CEP112: variants seen among roughly 807,000 people sequenced by gnomAD.
CEP112 encodes the protein centrosomal protein of 112 kDa.
A neutral mutation model predicts 153.0 loss-of-function variants in CEP112; 127 were observed. That is an observed-to-expected ratio of 0.83 (90% CI 0.72 to 0.96). The LOEUF is 0.96. Ranked by LOEUF, CEP112 falls within the 40% of genes least tolerant of loss-of-function variation. The pLI is 0.00. For synonymous variants in CEP112, 358 were observed against 374.4 expected (o/e 0.96, Z 0.51); for missense variants, 1,089 against 1,101.2 (o/e 0.99, Z 0.16).
intron 4 of CEP112, among the ~76,000 whole-genome samples, chr17:66,172,660 A>T (rs1470822487): frequency 6.6e-6 from 1 of 152,142 alleles, no homozygotes; most frequent in Non-Finnish European, 1.5e-5. Flanking sequence ...AAGAAGAAAA[A>T]AATCTATTCA....
At chr17:66,106,569 T>C (rs1395678197) in intron 6 of CEP112, among the ~76,000 whole-genome samples, 1 of 151,948 alleles carries the variant, frequency 6.6e-6, no homozygotes, top group Non-Finnish European at 1.5e-5. Context: ...CCTAGACACA[T>C]ACAACCTACC....
At chr17:65,712,913 T>C (rs979436632) in intron 23 of CEP112, among the ~76,000 whole-genome samples, 3 of 151,946 alleles carry the variant, frequency 2.0e-5, no homozygotes, top group African/African-American at 7.3e-5. Flanking sequence ...ATGCCAAAAA[T>C]CACCTTCGCC....
chr17:65,950,217 T>A (rs1385706913), intron 18 of CEP112, among the ~76,000 whole-genome samples: 2 of 152,188 alleles, frequency 1.3e-5, no homozygotes, highest in Non-Finnish European at 1.5e-5. Context: ...TAATTTTTTT[T>A]AAACTTTACT....
In CEP112 at chr17:65,758,064, G is replaced by T. The variant is rs543633230; in HGVS notation, c.2395-7340C>A. Among the ~76,000 whole-genome samples the T allele has an allele frequency of 2.6e-5, 4 of 152,228 alleles. No individual in the cohort carries two copies. In the South Asian group the frequency reaches 8.3e-4, roughly 32 times the overall value. On this transcript the variant is annotated intron_variant, in intron 21 of 26. Coordinates refer to ENST00000535342, the MANE Select transcript of CEP112 (RefSeq NM_001199165.4). ...GCTCAGGCTGGACTCAAACTCCTAG[G>T]CTCAAAGGATCCCTCAGCATCGCAA...
intron 4 of CEP112, among the ~76,000 whole-genome samples, chr17:66,153,722 G>A (rs1159429267): frequency 6.6e-6 from 1 of 152,048 alleles, no homozygotes. Context: ...GAAAGCTGGA[G>A]GACCTACACT....
At chr17:66,006,838 ACAGACCTGCTGGTAAG>A (rs72405150) in intron 16 of CEP112, among the ~76,000 whole-genome samples, 8,311 of 152,242 alleles carry the variant, frequency 0.055, 301 homozygotes, top group South Asian at 0.11. Context: ...AAAACCCGCT[ACAGACCTGCTGGTAAG>A]CAAGGTAAGG....
intron 21 of CEP112, among the ~76,000 whole-genome samples, chr17:65,839,873 C>T (rs2057453313): frequency 6.6e-6 from 1 of 151,416 alleles, no homozygotes. Flanking sequence ...TTCTATACAC[C>T]AACAGTGAAC....
At chr17:66,152,191 TC>T (rs1267465288) in intron 4 of CEP112, among the ~76,000 whole-genome samples, 4 of 152,026 alleles carry the variant, frequency 2.6e-5, no homozygotes, top group Non-Finnish European at 5.9e-5. Context: ...TTTGAAGAGG[TC>T]ATTAGTAGGA....
chr17:66,143,128 A>C (rs754051047), intron 4 of CEP112, among the ~76,000 whole-genome samples: 6 of 152,196 alleles, frequency 3.9e-5, no homozygotes, highest in Non-Finnish European at 8.8e-5. Context: ...GCTGTGTATG[A>C]AACAGAAGAA....
At chr17:66,064,664 C>T (rs1160584288) in intron 10 of CEP112, among the ~76,000 whole-genome samples, 1 of 152,122 alleles carries the variant, frequency 6.6e-6, no homozygotes, top group Non-Finnish European at 1.5e-5. Context: ...TCTTTACCAT[C>T]TACAATATAT....
In CEP112 at chr17:66,036,230, C is replaced by A. The variant is rs1393888313; in HGVS notation, c.1219-6207G>T. ...TAGACAGAATGGAAAATGGAAGTTGCTACTCAATGGGTACAGAGTTTTAGT... is the reference window on the plus strand; with the variant it reads ...TAGACAGAATGGAAAATGGAAGTTGATACTCAATGGGTACAGAGTTTTAGT... On this transcript the variant is annotated intron_variant, in intron 12 of 26. Coordinates refer to ENST00000535342, the MANE Select transcript of CEP112 (RefSeq NM_001199165.4). Among the ~76,000 whole-genome samples the A allele has an allele frequency of 2.0e-5, 3 of 152,090 alleles. No individual in the cohort carries two copies. The South Asian group carries it at 6.2e-4, about 32-fold the overall frequency.
At chr17:65,736,995 A>G (rs2050839823) in intron 23 of CEP112, among the ~76,000 whole-genome samples, 1 of 152,208 alleles carries the variant, frequency 6.6e-6, no homozygotes, top group Admixed American at 6.5e-5. Context: ...TGTTCCAAGA[A>G]AAATAAATGT....
intron 18 of CEP112, among the ~76,000 whole-genome samples, chr17:65,936,972 C>T (rs925856819): frequency 3.3e-5 from 5 of 150,870 alleles, no homozygotes; most frequent in Admixed American, 6.6e-5. Context: ...CACGTCACCA[C>T]GCCTGACTGG....
intron 24 of CEP112, among the ~76,000 whole-genome samples, chr17:65,679,660 ATCT>A (rs750443348): frequency 9.9e-5 from 15 of 152,170 alleles, no homozygotes; most frequent in Non-Finnish European, 2.1e-4. Context: ...TCTCTATAGC[ATCT>A]TCTTCTTTAA....
chr17:65,845,235 C>T (rs2057686175), intron 21 of CEP112, among the ~76,000 whole-genome samples: 1 of 152,154 alleles, frequency 6.6e-6, no homozygotes, highest in South Asian at 2.1e-4. Flanking sequence ...AGGAGAATCA[C>T]TTGAATCTGG....
At chr17:66,164,729 G>A (rs949584528) in intron 4 of CEP112, among the ~76,000 whole-genome samples, 8 of 150,902 alleles carry the variant, frequency 5.3e-5, no homozygotes, top group South Asian at 4.2e-4. Flanking sequence ...GGTGGCAGGC[G>A]CCCGTAATCC....
At chr17:66,132,803 T>A (rs2070251285) in intron 4 of CEP112, 40 bp from the exon 5 acceptor site, 3 of 1,267,010 alleles carry the variant, frequency 2.4e-6, no homozygotes, top group Non-Finnish European at 3.5e-6. Flanking sequence ...TTTGGAGAAT[T>A]CAGAGGACAC....
At chr17:65,699,503 G>A (rs1323736596) in intron 23 of CEP112, among the ~76,000 whole-genome samples, 2 of 151,916 alleles carry the variant, frequency 1.3e-5, no homozygotes, top group African/African-American at 2.4e-5. Context: ...CTTTTTTCAC[G>A]ATCTAGAGGG....
At chr17:65,742,925 G>A in intron 23 of CEP112, 143 bp downstream of exon 23, 1 of 599,460 alleles carries the variant, frequency 1.7e-6, no homozygotes, top group East Asian at 3.0e-5. Flanking sequence ...TACATCAAAG[G>A]TAGAGTCCAG....
Sources: allele counts gnomAD v4.1 joint callset (sites outside exome capture counted in the v4.1 genomes callset), GRCh38; gene constraint gnomAD v4.1.1; transcripts MANE v1.5; gene names NCBI Gene and HGNC (gene_info 2026-07-23, HGNC 2026-07-21).